The following BTD variants were observed in gnomAD, a reference collection of about 807,000 sequenced individuals.
BTD encodes the protein biocytinase.
A neutral mutation model predicts 17.7 loss-of-function variants in BTD; 13 were observed. That is an observed-to-expected ratio of 0.74 (90% CI 0.48 to 1.17). BTD has a LOEUF of 1.17. Ranked by LOEUF, BTD falls within the 50% of genes most tolerant of loss-of-function variation. The pLI is 0.00. For synonymous variants in BTD, 240 were observed against 245.2 expected (o/e 0.98, Z 0.20); for missense variants, 674 against 650.4 (o/e 1.04, Z -0.39).
At chr3:15,679,217 A>G (rs1575107317) in intron 3 of BTD, 1 of 1,324,796 alleles carries the variant, frequency 7.5e-7, no homozygotes, top group East Asian at 2.3e-5. Flanking sequence ...TCATCCTCCC[A>G]CTTCAGCCTC....
intron 3 of BTD, chr3:15,669,161 T>G (rs539090299): frequency 5.7e-4 from 87 of 152,310 alleles, no homozygotes; most frequent in African/African-American, 1.9e-3. Context: ...AATACAGAAA[T>G]GCCTTTCAAG....
At chr3:15,623,490 C>T (rs1476013066) in intron 1 of BTD, among the ~76,000 whole-genome samples, 1 of 151,942 alleles carries the variant, frequency 6.6e-6, no homozygotes, top group Non-Finnish European at 1.5e-5. Context: ...TTTTGTCTTC[C>T]AGTCTTTTTC....
At chr3:15,683,156 CTG>C (rs1222587600) in intron 3 of BTD, among the ~76,000 whole-genome samples, 4 of 152,176 alleles carry the variant, frequency 2.6e-5, no homozygotes, top group Non-Finnish European at 5.9e-5. Flanking sequence ...AAATATCTCA[CTG>C]TGTGATTTTT....
chr3:15,623,436 T>C (rs559890265), intron 1 of BTD, among the ~76,000 whole-genome samples: 1 of 152,360 alleles, frequency 6.6e-6, no homozygotes, highest in Non-Finnish European at 1.5e-5. Flanking sequence ...ATCTATCATA[T>C]TTGTTACTTT....
upstream of BTD, chr3:15,601,555 TG>T (rs1315019817): frequency 5.6e-6 from 9 of 1,603,602 alleles, no homozygotes; most frequent in Non-Finnish European, 7.6e-6. Flanking sequence ...ACGCCACCTC[TG>T]GTACTGCACC....
At chr3:15,662,701 C>T (rs2065936761) in intron 3 of BTD, among the ~76,000 whole-genome samples, 2 of 152,118 alleles carry the variant, frequency 1.3e-5, no homozygotes, top group Non-Finnish European at 2.9e-5. Flanking sequence ...GTGGCATGAT[C>T]ATGGCTCACT....
In BTD at chr3:15,689,886, T is replaced by G. The variant is rs1050363272; in HGVS notation, c.400-20174T>G. The G allele has an allele frequency of 4.0e-6, 3 of 757,088 alleles. No individual in the cohort carries two copies. The African/African-American group carries it at 5.4e-5, about 14-fold the overall frequency. The allele number at this position is 757,088 out of a possible 1,614,324, so 46.9% of individuals were successfully genotyped here. ...AATAAAGTTATTTGGTGAGGTCAAA[T>G]AATCCATATATGATTTGAAAAAAAA... On this transcript the variant is annotated intron_variant, in intron 3 of 3. Transcript: ENST00000672141.
intron 1 of BTD, among the ~76,000 whole-genome samples, chr3:15,631,712 A>G (rs368281496): frequency 6.6e-6 from 1 of 152,206 alleles, no homozygotes; most frequent in East Asian, 1.9e-4. Context: ...TCAAGATGCC[A>G]CTCTGCATCT....
rs1483536207 is a variant in BTD at position 15,652,797 on chromosome 3, C to CTA, written c.*7319_*7320dup. 5.3e-5 allele frequency among the ~76,000 whole-genome samples: 8 copies of CTA among 152,212 alleles called. No homozygotes were observed. The highest frequency in any genetic ancestry group is 3.9e-4 in the Admixed American group (6 of 15,278). ...TGCTCCTATACAGGTATCTCTCCCACTATATATATATCAAGTGCTATTAGT... is the reference window on the plus strand; with the variant it reads ...TGCTCCTATACAGGTATCTCTCCCACTATATATATATATCAAGTGCTATTAGT... On this transcript the variant is annotated 3_prime_UTR_variant, in exon 4 of 4. Coordinates refer to ENST00000643237, the MANE Select transcript of BTD (RefSeq NM_001370658.1).
rs776950685 is a variant in BTD, at chr3:15,644,845, G to C, written c.929G>C (p.Ser310Thr). Residue 310 changes from serine to threonine, a missense_variant, in exon 4 of 4, where the codon AGT (serine) becomes ACT (threonine). Transcript: ENST00000643237. The stretch of plus-strand genomic sequence containing the variant: ...TACCATGACATGGAAAATCCCAAAA[G>C]TCACCTTATAATTGCCCAGGTGGCC... ...FWYHDMENPK[S>T]HLIIAQVAKN... 6.2e-7 allele frequency: 1 copy of C among 1,614,204 alleles called. No homozygotes were observed. Among genetic ancestry groups the C allele is most frequent in the Non-Finnish European group, 8.5e-7 (1 of 1,180,036 alleles).
intron 3 of BTD, chr3:15,679,650 T>C: frequency 3.9e-6 from 4 of 1,012,796 alleles, no homozygotes; most frequent in South Asian, 1.5e-5. Flanking sequence ...AAAGGAAAAA[T>C]GTAAAAGTCT....
intron 4 of BTD, among the ~76,000 whole-genome samples, chr3:15,719,801 C>T (rs1995469): frequency 6.6e-5 from 10 of 152,138 alleles, no homozygotes; most frequent in Admixed American, 4.6e-4. Context: ...GTGATCTTCT[C>T]GCCTTGGCCT....
At chr3:15,694,126 C>T (rs984113100) in intron 3 of BTD, among the ~76,000 whole-genome samples, 16 of 152,012 alleles carry the variant, frequency 1.1e-4, no homozygotes, top group African/African-American at 3.6e-4. Flanking sequence ...AGATTAGGAT[C>T]TACTTGAAAT....
rs993491144 is a variant in BTD at position 15,652,673 on chromosome 3, A to G, written c.*7185A>G. ...TAGGTTTTGAGGTAATTTATTATAC[A>G]GCAATAGAAAACTAATACAATAGTC... is the stretch of plus-strand genomic sequence containing the variant. On this transcript the variant is annotated 3_prime_UTR_variant, in exon 4 of 4. Transcript: ENST00000643237. Among the ~76,000 whole-genome samples the G allele has an allele frequency of 4.6e-5, 7 of 152,240 alleles. No individual in the cohort carries two copies. Among genetic ancestry groups the G allele is most frequent in the African/African-American group, 1.4e-4 (6 of 41,456 alleles).
intron 1 of BTD, among the ~76,000 whole-genome samples, chr3:15,627,434 C>T (rs1424671369): frequency 2.6e-5 from 4 of 152,090 alleles, no homozygotes; most frequent in African/African-American, 9.7e-5. Flanking sequence ...CTCCATGTTG[C>T]CCAGGCTAGT....
intron 3 of BTD, among the ~76,000 whole-genome samples, chr3:15,662,971 T>G (rs1268459162): frequency 6.6e-6 from 1 of 151,922 alleles, no homozygotes; most frequent in Non-Finnish European, 1.5e-5. Flanking sequence ...CTTGATTTGC[T>G]GAGAATTACT....
chr3:15,706,457 T>C (rs1415460570), intron 3 of BTD, among the ~76,000 whole-genome samples: 3 of 152,228 alleles, frequency 2.0e-5, no homozygotes, highest in Non-Finnish European at 4.4e-5. Flanking sequence ...CCATGATGTA[T>C]ATGTGCCACA....
chr3:15,721,434 A>G (rs1165654151), intron 4 of BTD, among the ~76,000 whole-genome samples: 1 of 152,244 alleles, frequency 6.6e-6, no homozygotes, highest in Admixed American at 6.5e-5. Context: ...GTATTTTTAA[A>G]GGCGTTCTAG....
intron 3 of BTD, among the ~76,000 whole-genome samples, chr3:15,660,231 A>G (rs2065909140): frequency 6.6e-6 from 1 of 152,242 alleles, no homozygotes; most frequent in African/African-American, 2.4e-5. Flanking sequence ...GCTGGGACCA[A>G]CTGGCTCCAA....
Sources: gnomAD v4.1 joint callset for allele counts (sites outside exome capture counted in the v4.1 genomes callset) on GRCh38, gnomAD v4.1.1 for gene constraint, MANE v1.5 for transcripts, NCBI Gene and HGNC (gene_info 2026-07-23, HGNC 2026-07-21) for gene names.